The following ZNF586 variants were observed in gnomAD, a reference collection of about 807,000 sequenced individuals.
ZNF586 encodes the protein zinc finger protein 586.
ZNF586 carries 7 observed loss-of-function variants against 6.7 expected under a neutral mutation model. That is an observed-to-expected ratio of 1.04 (90% CI 0.59 to 1.95). The LOEUF (loss-of-function observed/expected upper bound fraction) is 1.95, where lower values mean the gene tolerates loss of function less well. Ranked by LOEUF, ZNF586 falls within the 30% of genes most tolerant of loss-of-function variation. ZNF586 has a pLI of 0.00. For synonymous variants in ZNF586, 166 were observed against 168.7 expected, an observed-to-expected ratio of 0.98 and a Z score of 0.12; for missense variants, 442 against 489.6, an observed-to-expected ratio of 0.90 and a Z score of 0.92.
intron 2 of ZNF586, among the ~76,000 whole-genome samples, chr19:57,777,982 C>T (rs1987277099): frequency 6.6e-6 from 1 of 151,536 alleles, no homozygotes; most frequent in Admixed American, 6.6e-5. Context: ...TGGTCTTGAA[C>T]TGACCTCAGG....
At position 57,779,088 on chromosome 19, in the gene ZNF586, G is replaced by C. The variant is rs1165918824; in HGVS notation, c.501G>C (p.Gln167His). The change falls in exon 3 of 3, where the codon CAG (glutamine) becomes CAC (histidine). Residue 167 changes from glutamine (Q) to histidine (H), a missense_variant. Coordinates refer to ENST00000396154, the MANE Select transcript of ZNF586 (RefSeq NM_017652.4). ...KSFHQSSSLLQRQTLHTRERP... is the reference protein window; with the variant it reads ...KSFHQSSSLLHRQTLHTRERP... ...TTCACCAAAGCTCTTCACTCTTGCA[G>C]CGTCAGACACTTCACACTAGAGAAA... 3.7e-6 allele frequency: 6 copies of C among 1,613,984 alleles called. No homozygotes were observed. Among genetic ancestry groups the C allele is most frequent in the Non-Finnish European group, 5.1e-6 (6 of 1,180,028 alleles).
intron 1 of ZNF586, among the ~76,000 whole-genome samples, chr19:57,771,004 A>G (rs1987081725): frequency 1.3e-5 from 2 of 151,930 alleles, no homozygotes; most frequent in South Asian, 4.1e-4. Context: ...TATTTTTAGT[A>G]GAGGTGGGGT....
rs1987348431 is a variant in ZNF586 at position 57,780,019 on chromosome 19, T to C, written c.*223T>C. ...CTCATTGGTTACCACAATATTTACA[T>C]GAGGAAAATACCACAGATGTGGAGG... On this transcript the variant is annotated 3_prime_UTR_variant, in exon 3 of 3. Transcript: ENST00000396154. The C allele has an allele frequency of 1.5e-5, 8 of 534,398 alleles. No homozygotes were observed. The highest frequency in any genetic ancestry group is 2.6e-5 in the Non-Finnish European group (8 of 306,032). 33.1% of individuals were successfully genotyped at this position (534,398 alleles called of 1,614,324 possible).
intron 2 of ZNF586, 96 bp downstream of exon 2, chr19:57,776,765 C>T: frequency 7.2e-7 from 1 of 1,382,050 alleles, no homozygotes; most frequent in Non-Finnish European, 9.7e-7. Context: ...GACACAGCTT[C>T]ATTCTCCAGT....
intron 1 of ZNF586, among the ~76,000 whole-genome samples, chr19:57,773,773 C>A (rs569890806): frequency 6.6e-6 from 1 of 152,194 alleles, no homozygotes; most frequent in Non-Finnish European, 1.5e-5. Context: ...TGTGGCCTCA[C>A]CAAGATTTTG....
intron 1 of ZNF586, among the ~76,000 whole-genome samples, chr19:57,776,202 G>A (rs1408496663): frequency 6.6e-6 from 1 of 152,186 alleles, no homozygotes; most frequent in Non-Finnish European, 1.5e-5. Flanking sequence ...GGAAGGATGT[G>A]TACGTACATA....
intron 1 of ZNF586, among the ~76,000 whole-genome samples, chr19:57,775,427 T>A (rs1175446014): frequency 6.6e-6 from 1 of 152,030 alleles, no homozygotes; most frequent in African/African-American, 2.4e-5. Context: ...CCCAGGAAGT[T>A]CAGGCTGCAG....
intron 1 of ZNF586, among the ~76,000 whole-genome samples, chr19:57,774,130 C>A (rs756556721): frequency 2.0e-5 from 3 of 149,522 alleles, no homozygotes; most frequent in Non-Finnish European, 4.4e-5. Context: ...ACAGGAGAAT[C>A]GCTTGAACCT....
At position 57,775,030 on chromosome 19, in the gene ZNF586, C is replaced by T. The variant is rs186562033; in HGVS notation, c.37-1513C>T. Among the ~76,000 whole-genome samples the T allele has an allele frequency of 4.0e-4, 60 of 149,798 alleles. 1 individual carries two copies. The East Asian group carries it at 0.01, about 26-fold the overall frequency. ...TTTTTTTTTTTTTGAGACGGAGTCT[C>T]GCTCTGTCGCCCAGGCTGGAGTACA... On this transcript the variant is annotated intron_variant, in intron 1 of 2. Transcript: ENST00000396154.
rs1034981414 is a variant in ZNF586 at position 57,778,838 on chromosome 19, G to C, written c.251G>C (p.Gly84Ala). ...TACAAAGACCAGGGAGGTCATAGTG[G>C]AGAAAGGCCTTATGAGTGTGGGGAA... ...HIYKDQGGHS[G>A]ERPYECGEYR... The change falls in exon 3 of 3, where the codon GGA becomes GCA. Residue 84 changes from glycine (G) to alanine (A), a missense_variant. By Grantham distance (60) the Gly-to-Ala change is moderately conservative (BLOSUM62 0). Transcript: ENST00000396154. 1 of 1,614,034 alleles carries C rather than the reference G, an allele frequency of 6.2e-7. No individual in the cohort carries two copies. Among genetic ancestry groups the C allele is most frequent in the African/African-American group, 1.3e-5 (1 of 74,898 alleles).
intron 1 of ZNF586, among the ~76,000 whole-genome samples, chr19:57,771,151 A>C (rs778279181): frequency 6.6e-6 from 1 of 151,994 alleles, no homozygotes; most frequent in African/African-American, 2.4e-5. Flanking sequence ...AATACAAAAA[A>C]TTAGCCAGGC....
chr19:57,773,591 A>T (rs1463871462), intron 1 of ZNF586, among the ~76,000 whole-genome samples: 1 of 152,000 alleles, frequency 6.6e-6, no homozygotes, highest in East Asian at 1.9e-4. Flanking sequence ...TTTAGTACAG[A>T]CAGGGTTTCA....
intron 1 of ZNF586, among the ~76,000 whole-genome samples, chr19:57,771,434 C>A (rs1987094983): frequency 6.6e-6 from 1 of 151,996 alleles, no homozygotes; most frequent in Admixed American, 6.6e-5. Context: ...GGAACTACCG[C>A]ACCTCCTAGG....
At chr19:57,777,094 T>C (rs529882544) in intron 2 of ZNF586, among the ~76,000 whole-genome samples, 1 of 152,336 alleles carries the variant, frequency 6.6e-6, no homozygotes, top group African/African-American at 2.4e-5. Flanking sequence ...TTCAAAATTC[T>C]TTTTGTAGTA....
chr19:57,774,155 G>T (rs1471967639), intron 1 of ZNF586, among the ~76,000 whole-genome samples: 2 of 147,024 alleles, frequency 1.4e-5, no homozygotes, highest in Admixed American at 7.1e-5. Context: ...GGCAGAGGTT[G>T]CAGTGAACCG....
chr19:57,779,427 T>G lies in ZNF586; in HGVS notation c.840T>G (p.His280Gln), dbSNP rs763165349. ...SFRRSSSLLQ[H>Q]QRVHTRERPY... ...GCCGAAGCTCTTCACTCTTGCAGCA[T>G]CAGAGAGTTCACACTAGAGAAAGGC... Residue 280 changes from histidine (H) to glutamine (Q), a missense_variant, in exon 3 of 3, where the codon CAT (histidine) becomes CAG (glutamine). Coordinates refer to ENST00000396154, the MANE Select transcript of ZNF586 (RefSeq NM_017652.4). 6.2e-7 allele frequency: 1 copy of G among 1,613,620 alleles called. No individual in the cohort carries two copies. The highest frequency in any genetic ancestry group is 8.5e-7 in the Non-Finnish European group (1 of 1,179,968).
chr19:57,779,951 T>G lies in ZNF586; in HGVS notation c.*155T>G. On this transcript the variant is annotated 3_prime_UTR_variant, in exon 3 of 3. Transcript: ENST00000396154. ...TAAAAGAGTGCTCCCACTGAAGAAG[T>G]GCCTTTTGAGTGCAATGAATGTGAG... is the stretch of plus-strand genomic sequence containing the variant. The G allele has an allele frequency of 1.5e-6, 1 of 675,242 alleles. No individual in the cohort carries two copies. Among genetic ancestry groups the G allele is most frequent in the Admixed American group, 3.3e-5 (1 of 30,734 alleles). 41.8% of individuals were successfully genotyped at this position (675,242 alleles called of 1,614,324 possible). A position where few individuals can be genotyped will look rare whatever the true frequency, so the allele number is the denominator to read the frequency against.
At chr19:57,775,003 C>CTT (rs11310885) in intron 1 of ZNF586, among the ~76,000 whole-genome samples, 6 of 141,724 alleles carry the variant, frequency 4.2e-5, no homozygotes, top group African/African-American at 5.4e-5. Context: ...TTCTTTTTTT[C>CTT]TTTTTTTTTT....
intron 1 of ZNF586, chr19:57,774,699 G>T (rs1339751410): frequency 5.1e-6 from 5 of 972,978 alleles, no homozygotes; most frequent in East Asian, 2.3e-4. Context: ...ATGATTTGGG[G>T]CTACCATTGC....
Sources: gnomAD v4.1 joint callset for allele counts (sites outside exome capture counted in the v4.1 genomes callset) on GRCh38, gnomAD v4.1.1 for gene constraint, MANE v1.5 for transcripts, NCBI Gene and HGNC (gene_info 2026-07-23, HGNC 2026-07-21) for gene names.